The following KIF24 variants were observed in gnomAD, a reference collection of about 807,000 sequenced individuals.
KIF24 encodes kinesin family member 24.
Under a neutral mutation model 118.9 loss-of-function variants are expected in KIF24, and 81 were observed. The observed-to-expected ratio is 0.68, with a 90% CI of 0.57 to 0.82. KIF24 has a LOEUF of 0.82. Ranked by LOEUF, KIF24 falls within the 40% of genes least tolerant of loss-of-function variation. The pLI is 0.00. For missense variants in KIF24, 1,560 were observed against 1,661.6 expected, an observed-to-expected ratio of 0.94 and a Z score of 1.06; for synonymous variants, 599 against 610.0, an observed-to-expected ratio of 0.98 and a Z score of 0.27.
intron 9 of KIF24, among the ~76,000 whole-genome samples, chr9:34,261,166 C>T (rs1185254196): frequency 2.0e-5 from 3 of 152,132 alleles, no homozygotes; most frequent in Non-Finnish European, 4.4e-5. Context: ...GCTACTCTAG[C>T]TGCACAGAAT....
chr9:34,320,100 C>A (rs1196648802), intron 1 of KIF24, among the ~76,000 whole-genome samples: 1 of 152,152 alleles, frequency 6.6e-6, no homozygotes, highest in Non-Finnish European at 1.5e-5. Flanking sequence ...GGTGCTGCAG[C>A]CCCTGGGACC....
At chr9:34,287,576 T>C (rs1309973803) in intron 5 of KIF24, among the ~76,000 whole-genome samples, 1 of 152,200 alleles carries the variant, frequency 6.6e-6, no homozygotes, top group African/African-American at 2.4e-5. Context: ...ACTTCATAAC[T>C]TAAAATACAA....
intron 9 of KIF24, among the ~76,000 whole-genome samples, chr9:34,260,246 C>T (rs931710523): frequency 6.6e-6 from 1 of 152,016 alleles, no homozygotes. Flanking sequence ...AGGACTTTAT[C>T]CTAAGGAGAT....
intron 8 of KIF24, among the ~76,000 whole-genome samples, chr9:34,265,981 C>T (rs1835271600): frequency 6.6e-6 from 1 of 152,046 alleles, no homozygotes; most frequent in Non-Finnish European, 1.5e-5. Flanking sequence ...CAGCCTCAAC[C>T]TCCTGGGCTC....
chr9:34,311,707 T>TACGTATATATATACATATAC (rs1563961491), intron 1 of KIF24, among the ~76,000 whole-genome samples: 5 of 146,250 alleles, frequency 3.4e-5, no homozygotes, highest in Non-Finnish European at 7.5e-5. Flanking sequence ...TGTACATATA[T>TACGTATATATATACATATAC]ACGTATATAT....
rs1031784765 is a variant in KIF24, at chr9:34,318,460, C to T, written c.-25-7089G>A. The T allele has an allele frequency of 2.5e-5, 19 of 748,656 alleles. No homozygotes were observed. The highest frequency in any genetic ancestry group is 1.8e-4 in the Admixed American group (9 of 49,946). 46.4% of individuals were successfully genotyped at this position (748,656 alleles called of 1,614,324 possible). ...GCCTCCTGGCGGTGGCCTTGGCGAC[C>T]GAGGTGAAGAAACCTGCAGCCACAG... is the stretch of plus-strand genomic sequence containing the variant. On this transcript the variant is annotated intron_variant, in intron 1 of 12. Transcript: ENST00000402558. This position sits in a 1 kb window ranked among gnomAD's most constrained non-coding sequence, Gnocchi z 4.9.
At position 34,257,873 on chromosome 9, in the gene KIF24, C is replaced by T. The variant is rs140815319; in HGVS notation, c.1734G>A (p.Leu578=). Residue 578 remains leucine (L), a synonymous_variant, in exon 11 of 13, where the codon TTG becomes TTA. Transcript: ENST00000402558. ...PKRIQSSPGA[L]SEDKCSPKKV... Reference sequence around the variant, plus strand: ...TTTTGGGAGAACATTTGTCCTCTGACAAAGCCCCAGGGGAGCTCTGAATTC... The same window carrying T: ...TTTTGGGAGAACATTTGTCCTCTGATAAAGCCCCAGGGGAGCTCTGAATTC... 17 of 1,613,892 alleles carry T rather than the reference C, an allele frequency of 1.1e-5. No homozygotes were observed. Among genetic ancestry groups the T allele is most frequent in the Non-Finnish European group, 1.4e-5 (17 of 1,179,898 alleles).
intron 3 of KIF24, among the ~76,000 whole-genome samples, chr9:34,304,929 G>A (rs1384798301): frequency 6.6e-6 from 1 of 151,996 alleles, no homozygotes; most frequent in Non-Finnish European, 1.5e-5. Flanking sequence ...TGGGTTTTGA[G>A]GCAAGAGAAC....
upstream of KIF24, among the ~76,000 whole-genome samples, chr9:34,333,105 G>C (rs1256957223): frequency 6.6e-6 from 1 of 152,148 alleles, no homozygotes; most frequent in Non-Finnish European, 1.5e-5. Context: ...AAGTTAAGTG[G>C]AACATGTGGT....
In KIF24 at chr9:34,257,151, T is replaced by G; in HGVS notation, c.2456A>C (p.Gln819Pro). Reference sequence around the variant, plus strand: ...ATCACTGTCATCAAGTTCCTCTACTTGGGCTCCATCATGGTTTTCAGAGTA... The same window carrying G: ...ATCACTGTCATCAAGTTCCTCTACTGGGGCTCCATCATGGTTTTCAGAGTA... The part of the protein sequence containing the change: ...HSYSENHDGA[Q>P]VEELDDSDFS... Residue 819 changes from glutamine (Q) to proline (P), a missense_variant, in exon 11 of 13, where the codon CAA becomes CCA. Coordinates refer to ENST00000402558, the MANE Select transcript of KIF24 (RefSeq NM_194313.4). 2 of 1,614,040 alleles carry G rather than the reference T, an allele frequency of 1.2e-6. No individual in the cohort carries two copies. The highest frequency in any genetic ancestry group is 1.3e-5 in the African/African-American group (1 of 75,060).
chr9:34,317,660 C>T (rs998951487), intron 1 of KIF24, among the ~76,000 whole-genome samples: 8 of 152,228 alleles, frequency 5.3e-5, no homozygotes. Context: ...CCTATCCACA[C>T]TGCATAAACT....
At chr9:34,262,417 T>C (rs183594875) in intron 9 of KIF24, among the ~76,000 whole-genome samples, 7 of 151,538 alleles carry the variant, frequency 4.6e-5, no homozygotes, top group Admixed American at 4.6e-4. Flanking sequence ...GGATTTCAGA[T>C]TTTTTTTCAG....
intron 6 of KIF24, among the ~76,000 whole-genome samples, chr9:34,285,058 T>G (rs1835985903): frequency 6.6e-6 from 1 of 152,120 alleles, no homozygotes; most frequent in Non-Finnish European, 1.5e-5. Flanking sequence ...GGACAGTGGA[T>G]AGCTCAGTGG....
At chr9:34,310,369 A>AT (rs1166955052) in intron 2 of KIF24, among the ~76,000 whole-genome samples, 4 of 144,896 alleles carry the variant, frequency 2.8e-5, no homozygotes, top group African/African-American at 9.8e-5. Context: ...GGATTGTGTA[A>AT]TTTTTTTCTC....
At chr9:34,258,752 C>T (rs888942701) in intron 10 of KIF24, among the ~76,000 whole-genome samples, 1 of 152,198 alleles carries the variant, frequency 6.6e-6, no homozygotes, top group Non-Finnish European at 1.5e-5. Flanking sequence ...TGAGTTCCCT[C>T]AAACCTGCTG....
intron 4 of KIF24, 59 bp from the exon 5 acceptor site, chr9:34,290,448 T>C (rs1053343862): frequency 1.8e-6 from 2 of 1,103,080 alleles, no homozygotes; most frequent in African/African-American, 1.6e-5. Flanking sequence ...AGTTTACCCA[T>C]AGATTTTTAA....
chr9:34,278,409 C>A (rs1242291822), intron 6 of KIF24, among the ~76,000 whole-genome samples: 6 of 152,198 alleles, frequency 3.9e-5, no homozygotes, highest in Admixed American at 1.3e-4. Context: ...AATTCCATCT[C>A]AAAAACAAAA....
At position 34,311,332 on chromosome 9, in the gene KIF24, T is replaced by A; in HGVS notation, c.15A>T (p.Leu5Phe). 1 of 1,569,926 alleles carries A rather than the reference T, an allele frequency of 6.4e-7. No homozygotes were observed. Residue 5 changes from leucine to phenylalanine, a missense_variant, in exon 2 of 13, where the codon TTA becomes TTT. Transcript: ENST00000402558. MASW[L>F]YECLCEAELA... is the part of the protein sequence containing the mutation. Reference sequence around the variant, plus strand: ...GTTCAGCTTCACAAAGACATTCATATAACCAGGATGCCATTTTGGTGAATA... The same window carrying A: ...GTTCAGCTTCACAAAGACATTCATAAAACCAGGATGCCATTTTGGTGAATA...
chr9:34,318,563 C>G lies in KIF24; in HGVS notation c.-25-7192G>C. On this transcript the variant is annotated intron_variant, in intron 1 of 12. Transcript: ENST00000402558. The surrounding 1 kb of genome is among the most constrained non-coding windows in gnomAD (Gnocchi z 4.9). ...ACACAGCGCCGGCCTGGCCTTCAGC[C>G]TGTACCAGGCCATGGCCAAGGACCA... The G allele has an allele frequency of 8.2e-7, 1 of 1,218,678 alleles. No individual in the cohort carries two copies. Among genetic ancestry groups the G allele is most frequent in the South Asian group, 1.2e-5 (1 of 80,196 alleles). 75.5% of individuals were successfully genotyped at this position (1,218,678 alleles called of 1,614,324 possible). A position where few individuals can be genotyped will look rare whatever the true frequency, so the allele number is the denominator to read the frequency against.
Sources: gnomAD v4.1 joint callset for allele counts (sites outside exome capture counted in the v4.1 genomes callset) on GRCh38, gnomAD v4.1.1 for gene constraint, Gnocchi (gnomAD v3.1) non-coding constraint, MANE v1.5 for transcripts, NCBI Gene and HGNC (gene_info 2026-07-23, HGNC 2026-07-21) for gene names.